The following CELF2 variants were observed in gnomAD, a reference collection of about 807,000 sequenced individuals.
CELF2 encodes the protein CUG triplet repeat RNA-binding protein 2.
In CELF2, 8 loss-of-function variants were observed where a neutral mutation model predicts 62.6. The ratio of observed to expected loss-of-function variants is 0.13; its 90% CI spans 0.07 to 0.23. CELF2 has a LOEUF of 0.23. CELF2 is among the 10% of genes least tolerant of loss of function. CELF2 has a pLI of 1.00. For synonymous variants in CELF2, 258 were observed against 250.0 expected (o/e 1.03, Z -0.30); for missense variants, 333 against 671.0 (o/e 0.50, Z 5.56).
At chr10:11,197,984 A>G (rs1235536732) in intron 2 of CELF2, among the ~76,000 whole-genome samples, 1 of 152,262 alleles carries the variant, frequency 6.6e-6, no homozygotes. Context: ...ACTTACAGCA[A>G]CTGTCACCTG....
chr10:11,086,606 A>C (rs1044696453), intron 1 of CELF2, among the ~76,000 whole-genome samples: 1 of 118,148 alleles, frequency 8.5e-6, no homozygotes, highest in Non-Finnish European at 1.8e-5. Context: ...AAAAAAAAAA[A>C]AAAACTCCCG....
chr10:11,127,139 G>A (rs1369917629), intron 1 of CELF2, among the ~76,000 whole-genome samples: 1 of 152,128 alleles, frequency 6.6e-6, no homozygotes, highest in Admixed American at 6.6e-5. Flanking sequence ...GTGAGAACAT[G>A]TGGTGTTTGG....
intron 2 of CELF2, among the ~76,000 whole-genome samples, chr10:10,959,263 AG>A (rs1327386111): frequency 6.6e-6 from 1 of 152,202 alleles, no homozygotes; most frequent in East Asian, 1.9e-4. Flanking sequence ...CCTGGACAAC[AG>A]AGTGAGACTC....
chr10:11,163,715 A>G (rs1239694498), intron 1 of CELF2, among the ~76,000 whole-genome samples: 2 of 152,232 alleles, frequency 1.3e-5, no homozygotes, highest in African/African-American at 4.8e-5. Flanking sequence ...ATAAAAAAAT[A>G]AAGTGGTAAA....
At chr10:11,104,486 C>G (rs374576525) in intron 1 of CELF2, among the ~76,000 whole-genome samples, 1 of 152,104 alleles carries the variant, frequency 6.6e-6, no homozygotes, top group East Asian at 1.9e-4. Context: ...AGGCCAGGAG[C>G]TCAAGACCAG....
chr10:10,739,110 A>G, the CELF2 span, among the ~76,000 whole-genome samples: 1 of 152,172 alleles, frequency 6.6e-6, no homozygotes, highest in Non-Finnish European at 1.5e-5. Flanking sequence ...ACTTATTTTT[A>G]AGTGAAAAAA....
chr10:10,586,896 T>C, the CELF2 span, among the ~76,000 whole-genome samples: 1 of 152,172 alleles, frequency 6.6e-6, no homozygotes, highest in Non-Finnish European at 1.5e-5. Flanking sequence ...GAACACATAG[T>C]GGCCTTTAAT....
the CELF2 span, among the ~76,000 whole-genome samples, chr10:10,499,442 G>A: frequency 6.6e-6 from 1 of 152,124 alleles, no homozygotes; most frequent in Admixed American, 6.6e-5. Context: ...AAACTTACTA[G>A]TAATTCACAT....
chr10:10,665,411 T>C, the CELF2 span, among the ~76,000 whole-genome samples: 1 of 152,158 alleles, frequency 6.6e-6, no homozygotes, highest in Non-Finnish European at 1.5e-5. Flanking sequence ...TAAATATATA[T>C]ATATAAATGT....
the CELF2 span, among the ~76,000 whole-genome samples, chr10:10,656,747 G>A: frequency 4.8e-4 from 57 of 118,992 alleles, no homozygotes; most frequent in Non-Finnish European, 2.7e-4. Context: ...GGGAGGGATA[G>A]CATTGGGAGA....
At chr10:11,282,477 C>T (rs1020798247) in intron 8 of CELF2, among the ~76,000 whole-genome samples, 2 of 152,246 alleles carry the variant, frequency 1.3e-5, no homozygotes, top group Non-Finnish European at 2.9e-5. Flanking sequence ...ACCCTAGTAG[C>T]AGAGCACGGG....
intron 2 of CELF2, among the ~76,000 whole-genome samples, chr10:11,201,157 T>G (rs1196398842): frequency 6.6e-6 from 1 of 152,254 alleles, no homozygotes; most frequent in Admixed American, 6.5e-5. Context: ...TGTTGGGTAG[T>G]CCCCTGAAGT....
At chr10:11,006,113 C>T (rs2055214969) in intron 1 of CELF2, among the ~76,000 whole-genome samples, 1 of 152,312 alleles carries the variant, frequency 6.6e-6, no homozygotes, top group Middle Eastern at 3.4e-3. Flanking sequence ...GAATTGGCAT[C>T]CTGCTTTGAA....
chr10:11,054,967 G>A (rs928590278), intron 1 of CELF2, among the ~76,000 whole-genome samples: 3 of 152,136 alleles, frequency 2.0e-5, no homozygotes, highest in African/African-American at 2.4e-5. Flanking sequence ...CACCTGCCTC[G>A]GCCCCCTGGA....
At chr10:10,599,365 G>A in the CELF2 span, among the ~76,000 whole-genome samples, 7 of 152,200 alleles carry the variant, frequency 4.6e-5, no homozygotes, top group Admixed American at 1.3e-4. Flanking sequence ...AAGACTAAAT[G>A]AGGGGATGCA....
intron 1 of CELF2, among the ~76,000 whole-genome samples, chr10:10,917,000 T>G (rs868038815): frequency 5.3e-5 from 8 of 152,296 alleles, no homozygotes; most frequent in Middle Eastern, 6.8e-3. Context: ...CAGTTTTTCT[T>G]AAGTGACTTG....
At position 11,298,335 on chromosome 10, in the gene CELF2, A is replaced by G. The variant is rs570628727; in HGVS notation, c.976+9783A>G. 1.5e-3 allele frequency among the ~76,000 whole-genome samples: 229 copies of G among 152,358 alleles called. 1 individual carries two copies. Among genetic ancestry groups the G allele is most frequent in the African/African-American group, 5.4e-3 (225 of 41,584 alleles). On this transcript the variant is annotated intron_variant, in intron 9 of 12. Transcript: ENST00000633077. ...TACTAGCACACAAGCCAACAGGCAC[A>G]AATCTGAATCAGGGCTGAGTCAGCA...
chr10:10,952,831 A>G (rs1012647860), intron 2 of CELF2, among the ~76,000 whole-genome samples: 3 of 152,200 alleles, frequency 2.0e-5, no homozygotes, highest in African/African-American at 7.2e-5. Context: ...GAATAGATAA[A>G]TGATGCCTGA....
intron 3 of CELF2, among the ~76,000 whole-genome samples, chr10:11,232,961 T>C (rs900457863): frequency 6.6e-6 from 1 of 152,188 alleles, no homozygotes; most frequent in Non-Finnish European, 1.5e-5. Context: ...CTTGGACTCC[T>C]TGGATGTGTT....
Sources: gnomAD v4.1 joint callset for allele counts (sites outside exome capture counted in the v4.1 genomes callset) on GRCh38, gnomAD v4.1.1 for gene constraint, MANE v1.5 for transcripts, NCBI Gene and HGNC (gene_info 2026-07-23, HGNC 2026-07-21) for gene names.